The following PTPRG variants were observed in gnomAD, a reference collection of about 807,000 sequenced individuals.
PTPRG encodes protein tyrosine phosphatase receptor type G.
In PTPRG, 102 loss-of-function variants were observed where a neutral mutation model predicts 165.3. The ratio of observed to expected loss-of-function variants is 0.62; its 90% CI spans 0.53 to 0.73. The LOEUF (loss-of-function observed/expected upper bound fraction) is 0.73. Ranked by LOEUF, PTPRG falls within the 30% of genes least tolerant of loss-of-function variation. The probability of loss-of-function intolerance (pLI) is 0.00; values close to 1 mark genes in which losing one functional copy is unlikely to be tolerated. For synonymous variants in PTPRG, 675 were observed against 669.5 expected (o/e 1.01, Z -0.13); for missense variants, 1,866 against 1,861.4 (o/e 1.00, Z -0.05).
intron 5 of PTPRG, among the ~76,000 whole-genome samples, chr3:62,088,102 A>T (rs1286506857): frequency 1.3e-5 from 2 of 152,136 alleles, no homozygotes; most frequent in African/African-American, 4.8e-5. Context: ...TGAAGTGGGG[A>T]GGGAGGGAAT....
rs537460519 is a variant in PTPRG, at chr3:61,816,176, A to C, written c.190+67194A>C. ...TCAAATAGCAAGGCAACTCCATTCAAAGTAGGAATTGTGACATGCTGTTGT... is the reference window on the plus strand; with the variant it reads ...TCAAATAGCAAGGCAACTCCATTCACAGTAGGAATTGTGACATGCTGTTGT... On this transcript the variant is annotated intron_variant, in intron 2 of 29. Coordinates refer to ENST00000474889, the MANE Select transcript of PTPRG (RefSeq NM_002841.4). Among the ~76,000 whole-genome samples, 12 of 152,286 alleles carry C rather than the reference A, an allele frequency of 7.9e-5. No homozygotes were observed. The South Asian group carries it at 2.3e-3, about 29-fold the overall frequency.
At chr3:61,644,288 A>C (rs1224674017) in intron 1 of PTPRG, among the ~76,000 whole-genome samples, 1 of 152,202 alleles carries the variant, frequency 6.6e-6, no homozygotes, top group Non-Finnish European at 1.5e-5. Flanking sequence ...ATGCCTTGTG[A>C]AAACTTACTG....
At chr3:62,034,254 C>T (rs966611485) in intron 4 of PTPRG, among the ~76,000 whole-genome samples, 15 of 152,208 alleles carry the variant, frequency 9.9e-5, no homozygotes, top group African/African-American at 3.6e-4. Flanking sequence ...TTTCAATCTG[C>T]ATTTGTTTGG....
intron 2 of PTPRG, among the ~76,000 whole-genome samples, chr3:61,871,784 A>G (rs2037591973): frequency 6.6e-6 from 1 of 152,200 alleles, no homozygotes; most frequent in Admixed American, 6.5e-5. Flanking sequence ...GCCTTTTGGA[A>G]TTGCAGCTCC....
chr3:62,092,439 G>GAAAAAAAAAAAAAAA (rs55955359), intron 5 of PTPRG, among the ~76,000 whole-genome samples: 7 of 89,428 alleles, frequency 7.8e-5, no homozygotes, highest in South Asian at 4.0e-4. Flanking sequence ...GAGTCCATCT[G>GAAAAAAAAAAAAAAA]AAAAAAAAAA....
chr3:61,978,062 G>C (rs182083710), intron 2 of PTPRG, among the ~76,000 whole-genome samples: 4 of 152,274 alleles, frequency 2.6e-5, no homozygotes, highest in African/African-American at 7.2e-5. Flanking sequence ...TTGCTGGCCA[G>C]GCTGTTCTCA....
At chr3:61,636,437 A>G (rs1701910514) in intron 1 of PTPRG, among the ~76,000 whole-genome samples, 1 of 152,194 alleles carries the variant, frequency 6.6e-6, no homozygotes, top group Non-Finnish European at 1.5e-5. Context: ...GACTTCTTTC[A>G]CTTAGCAAAA....
intron 2 of PTPRG, among the ~76,000 whole-genome samples, chr3:61,900,852 C>A (rs1263468940): frequency 6.6e-6 from 1 of 152,110 alleles, no homozygotes; most frequent in Non-Finnish European, 1.5e-5. Context: ...TGTCACCAGC[C>A]AGGTAAAAAT....
At chr3:61,584,577 T>A (rs956761808) in intron 1 of PTPRG, among the ~76,000 whole-genome samples, 2 of 152,068 alleles carry the variant, frequency 1.3e-5, no homozygotes, top group African/African-American at 4.8e-5. Context: ...GTTTAGGTTT[T>A]TTTTTTTTTT....
At chr3:61,888,484 C>G (rs1202028924) in intron 2 of PTPRG, among the ~76,000 whole-genome samples, 1 of 152,080 alleles carries the variant, frequency 6.6e-6, no homozygotes, top group African/African-American at 2.4e-5. Flanking sequence ...GCCCCTGCCA[C>G]TATGCGCGGC....
chr3:61,800,792 C>T (rs898998137), intron 2 of PTPRG, among the ~76,000 whole-genome samples: 2 of 151,892 alleles, frequency 1.3e-5, no homozygotes, highest in Admixed American at 6.6e-5. Flanking sequence ...TACAGGCACC[C>T]GCCACCACGC....
intron 1 of PTPRG, among the ~76,000 whole-genome samples, chr3:61,725,231 G>C (rs2032208517): frequency 1.3e-5 from 2 of 152,018 alleles, no homozygotes; most frequent in South Asian, 4.2e-4. Context: ...ACAGTGGCGT[G>C]ATCTGGGCTC....
chr3:62,083,258 CT>C (rs35015867), intron 5 of PTPRG, among the ~76,000 whole-genome samples: 39 of 146,410 alleles, frequency 2.7e-4, no homozygotes, highest in East Asian at 6.1e-4. Context: ...TTTGCCATTA[CT>C]TTTTTTTTTT....
chr3:61,587,421 T>G (rs1193203223), intron 1 of PTPRG, among the ~76,000 whole-genome samples: 1 of 152,166 alleles, frequency 6.6e-6, no homozygotes, highest in African/African-American at 2.4e-5. Flanking sequence ...CACTTTTTTT[T>G]TTCTGAGCAG....
At chr3:61,664,416 C>A (rs1004747324) in intron 1 of PTPRG, among the ~76,000 whole-genome samples, 1 of 152,216 alleles carries the variant, frequency 6.6e-6, no homozygotes, top group Non-Finnish European at 1.5e-5. Flanking sequence ...AGAATTATTT[C>A]TTTCTGTCAC....
At chr3:61,971,050 G>A (rs1012359502) in intron 2 of PTPRG, among the ~76,000 whole-genome samples, 2 of 152,100 alleles carry the variant, frequency 1.3e-5, no homozygotes, top group South Asian at 4.1e-4. Flanking sequence ...TAGTATCAGG[G>A]AGGACTTCAT....
Position 62,245,474 on chromosome 3 carries a change from A to G in PTPRG, c.2467+1576A>G, listed in dbSNP as rs979898986. ...TTTGGTAGCTGTGTAACTGAAATCC[A>G]TTTTTGAAGAGTTAAATGGTGAAAT... On this transcript the variant is annotated intron_variant, in intron 15 of 29. Transcript: ENST00000474889. The surrounding 1 kb of genome is among the most constrained non-coding windows in gnomAD (Gnocchi z 4.2). 2.6e-5 allele frequency among the ~76,000 whole-genome samples: 4 copies of G among 152,110 alleles called. No individual in the cohort carries two copies. Among genetic ancestry groups the G allele is most frequent in the African/African-American group, 9.7e-5 (4 of 41,416 alleles).
chr3:61,861,090 C>T (rs951875228), intron 2 of PTPRG, among the ~76,000 whole-genome samples: 1 of 151,584 alleles, frequency 6.6e-6, no homozygotes, highest in Non-Finnish European at 1.5e-5. Context: ...TTTTAATTGT[C>T]TGGTTTTCTG....
chr3:61,989,717 G>A lies in PTPRG; in HGVS notation c.283G>A (p.Val95Ile), dbSNP rs141896316. ...PIDILDQYAR[V>I]GEEYQELQLD... ...TGACATTTTAGACCAGTATGCGCGT[G>A]TTGGGGAAGAATACCAGGAACTGCA... Residue 95 changes from valine to isoleucine, a missense_variant, in exon 3 of 30, where the codon GTT becomes ATT. By Grantham distance (29) the Val-to-Ile change is conservative. Coordinates refer to ENST00000474889, the MANE Select transcript of PTPRG (RefSeq NM_002841.4). 6.8e-6 allele frequency: 11 copies of A among 1,614,050 alleles called. No homozygotes were observed. In the African/African-American group the frequency reaches 1.5e-4, roughly 22 times the overall value.
Sources: gnomAD v4.1 joint callset for allele counts (sites outside exome capture counted in the v4.1 genomes callset) on GRCh38, gnomAD v4.1.1 for gene constraint, Gnocchi (gnomAD v3.1) non-coding constraint, MANE v1.5 for transcripts, NCBI Gene and HGNC (gene_info 2026-07-23, HGNC 2026-07-21) for gene names.